The following RARB variants were observed in gnomAD, a reference collection of about 807,000 sequenced individuals.
RARB encodes the protein retinoic acid receptor beta, also known as HBV-activated protein.
In RARB, 17 loss-of-function variants were observed where a neutral mutation model predicts 51.9. That is an observed-to-expected ratio of 0.33 (90% CI 0.22 to 0.49). RARB has a LOEUF of 0.49. RARB is among the 20% of genes least tolerant of loss of function. The pLI, the probability that RARB is intolerant of heterozygous loss-of-function variation, is 0.99. For synonymous variants in RARB, 215 were observed against 195.4 expected (o/e 1.10, Z -0.84); for missense variants, 369 against 550.8 (o/e 0.67, Z 3.30).
At chr3:25,105,461 A>G (rs1238648422) in intron 3 of RARB, among the ~76,000 whole-genome samples, 6 of 151,132 alleles carry the variant, frequency 4.0e-5, no homozygotes, top group Non-Finnish European at 7.4e-5. Context: ...GGTGCCATAA[A>G]GGGCATCAGT....
chr3:24,909,153 G>GT (rs1694936534), intron 2 of RARB, among the ~76,000 whole-genome samples: 2 of 152,146 alleles, frequency 1.3e-5, no homozygotes, highest in African/African-American at 4.8e-5. Flanking sequence ...TTAAAAGCAA[G>GT]TAAGTTGTAG....
At chr3:25,229,361 AAAC>A (rs2125389267) in intron 5 of RARB, among the ~76,000 whole-genome samples, 1 of 152,302 alleles carries the variant, frequency 6.6e-6, no homozygotes, top group East Asian at 1.9e-4. Flanking sequence ...GTATTCAAAA[AAAC>A]AAATATTTCT....
At position 24,998,712 on chromosome 3, in the gene RARB, T is replaced by C. The variant is rs534003185; in HGVS notation, c.-379-61413T>C. Among the ~76,000 whole-genome samples the C allele has an allele frequency of 2.0e-5, 3 of 152,270 alleles. No individual in the cohort carries two copies. In the South Asian group the frequency reaches 6.2e-4, roughly 32 times the overall value. On this transcript the variant is annotated intron_variant, in intron 2 of 11. Coordinates refer to the RARB transcript ENST00000383772. The stretch of plus-strand genomic sequence containing the variant: ...TTATATGTCTTCTAGGGATTTTCCT[T>C]TTTTCTTTCTCAGAAACTCAGCTAG...
At chr3:25,400,189 C>T (rs1202929986) in intron 5 of RARB, among the ~76,000 whole-genome samples, 1 of 152,214 alleles carries the variant, frequency 6.6e-6, no homozygotes, top group Non-Finnish European at 1.5e-5. Flanking sequence ...TTCAATTCTC[C>T]TCTGTCCATA....
intron 4 of RARB, among the ~76,000 whole-genome samples, chr3:25,166,143 G>A (rs1226263151): frequency 6.6e-6 from 1 of 151,974 alleles, no homozygotes; most frequent in Non-Finnish European, 1.5e-5. Flanking sequence ...AAATTAAAAG[G>A]AGGTAAGAAA....
At chr3:25,026,483 T>G (rs1289101470) in intron 2 of RARB, among the ~76,000 whole-genome samples, 1 of 152,216 alleles carries the variant, frequency 6.6e-6, no homozygotes, top group Non-Finnish European at 1.5e-5. Context: ...TCTTTTTTCC[T>G]GTGCACGCAC....
intron 4 of RARB, among the ~76,000 whole-genome samples, chr3:25,159,257 C>A (rs1207276300): frequency 1.3e-5 from 2 of 150,272 alleles, no homozygotes; most frequent in South Asian, 2.1e-4. Flanking sequence ...TCCACCTCCC[C>A]CTCCCCGGTT....
intron 5 of RARB, among the ~76,000 whole-genome samples, chr3:25,275,773 G>A (rs1042607218): frequency 6.0e-5 from 9 of 150,774 alleles, no homozygotes; most frequent in South Asian, 2.1e-4. Flanking sequence ...CGGGCTTGTC[G>A]TGGGGTGGAG....
chr3:24,906,153 A>G (rs2125375403), intron 2 of RARB, among the ~76,000 whole-genome samples: 1 of 152,304 alleles, frequency 6.6e-6, no homozygotes, highest in East Asian at 1.9e-4. Flanking sequence ...TTCACAAATG[A>G]GGAGGGGATG....
intron 1 of RARB, among the ~76,000 whole-genome samples, chr3:25,450,955 G>T (rs761816657): frequency 6.6e-6 from 1 of 152,084 alleles, no homozygotes; most frequent in Non-Finnish European, 1.5e-5. Context: ...GCGTGGTGGC[G>T]CACATTTATT....
chr3:25,397,544 G>T (rs1707149718), intron 5 of RARB, among the ~76,000 whole-genome samples: 2 of 152,198 alleles, frequency 1.3e-5, no homozygotes, highest in Admixed American at 1.3e-4. Context: ...CTGCAAGTTA[G>T]TCCTGCCTCC....
intron 2 of RARB, among the ~76,000 whole-genome samples, chr3:25,017,194 T>C (rs982990401): frequency 4.0e-5 from 6 of 151,708 alleles, no homozygotes; most frequent in African/African-American, 9.7e-5. Context: ...GCCTCGTTGT[T>C]TACAAATTAA....
At chr3:25,321,633 C>A (rs1575310695) in intron 5 of RARB, among the ~76,000 whole-genome samples, 1 of 152,058 alleles carries the variant, frequency 6.6e-6, no homozygotes, top group Admixed American at 6.5e-5. Context: ...AGGAGAATCA[C>A]TTGAATCTGG....
At chr3:25,126,595 A>T (rs528969513) in intron 3 of RARB, among the ~76,000 whole-genome samples, 1 of 152,158 alleles carries the variant, frequency 6.6e-6, no homozygotes, top group Non-Finnish European at 1.5e-5. Flanking sequence ...TTCTGATTCA[A>T]TGGGTCTGGA....
chr3:25,175,541 A>G (rs191352861), intron 5 of RARB, among the ~76,000 whole-genome samples: 3 of 152,220 alleles, frequency 2.0e-5, no homozygotes, highest in Admixed American at 6.5e-5. Flanking sequence ...CATTCCTTCT[A>G]CTACATCCTT....
At chr3:25,496,977 C>G (rs191795806) in intron 2 of RARB, among the ~76,000 whole-genome samples, 1 of 152,164 alleles carries the variant, frequency 6.6e-6, no homozygotes, top group African/African-American at 2.4e-5. Flanking sequence ...CTCTGCCTCC[C>G]GGGTTCAAGC....
At chr3:25,498,281 A>G (rs1697136502) in intron 2 of RARB, among the ~76,000 whole-genome samples, 1 of 152,110 alleles carries the variant, frequency 6.6e-6, no homozygotes, top group African/African-American at 2.4e-5. Context: ...TACCCGCCAC[A>G]CACTCTGGGT....
At chr3:24,977,944 T>C (rs1421261524) in intron 2 of RARB, among the ~76,000 whole-genome samples, 1 of 152,210 alleles carries the variant, frequency 6.6e-6, no homozygotes, top group African/African-American at 2.4e-5. Context: ...ACCTAGTTTA[T>C]TGAGAATTTT....
chr3:25,114,491 C>T (rs140239642), intron 3 of RARB, among the ~76,000 whole-genome samples: 375 of 152,276 alleles, frequency 2.5e-3, no homozygotes, highest in African/African-American at 8.5e-3. Flanking sequence ...TTACTTTGTG[C>T]TCCAGGATGT....
Sources: gnomAD v4.1 joint callset for allele counts (sites outside exome capture counted in the v4.1 genomes callset) on GRCh38, gnomAD v4.1.1 for gene constraint, MANE v1.5 for transcripts, NCBI Gene and HGNC (gene_info 2026-07-23, HGNC 2026-07-21) for gene names.